FAM185A: variants seen among roughly 807,000 people sequenced by gnomAD.
FAM185A encodes the protein family with sequence similarity 185 member A, also known as protein FAM185A.
FAM185A carries 21 observed loss-of-function variants against 45.7 expected under a neutral mutation model. The observed-to-expected ratio is 0.46, with a 90% CI of 0.33 to 0.66. The LOEUF (loss-of-function observed/expected upper bound fraction) is 0.66, where lower values mean the gene tolerates loss of function less well. FAM185A is among the 30% of genes least tolerant of loss of function. The pLI, the probability that FAM185A is intolerant of heterozygous loss-of-function variation, is 0.03. For missense variants in FAM185A, 305 were observed against 485.4 expected, an observed-to-expected ratio of 0.63 and a Z score of 3.49; for synonymous variants, 117 against 194.0, an observed-to-expected ratio of 0.60 and a Z score of 3.30.
chr7:102,786,301 TA>T (rs1225414220), intron 6 of FAM185A, among the ~76,000 whole-genome samples: 1 of 152,212 alleles, frequency 6.6e-6, no homozygotes. Context: ...GAACTAGAAA[TA>T]CCATTTGACC....
chr7:102,848,688 T>C, the FAM185A span, among the ~76,000 whole-genome samples: 3 of 148,724 alleles, frequency 2.0e-5, no homozygotes, highest in Non-Finnish European at 4.4e-5. Context: ...GCAAACCAGA[T>C]TAAGAGTATA....
downstream of FAM185A, among the ~76,000 whole-genome samples, chr7:102,812,261 G>A (rs886895288): frequency 2.6e-5 from 4 of 152,056 alleles, no homozygotes; most frequent in South Asian, 2.1e-4. Flanking sequence ...TAAAACCTAC[G>A]GATTAAAGCT....
intron 2 of FAM185A, 113 bp from the exon 3 acceptor site, chr7:102,757,741 T>C (rs993276162): frequency 7.7e-7 from 1 of 1,298,646 alleles, no homozygotes. Context: ...TCATTCCTTA[T>C]TGTTCTTTTG....
At chr7:102,788,500 T>A (rs2129441825) in intron 7 of FAM185A, among the ~76,000 whole-genome samples, 1 of 152,162 alleles carries the variant, frequency 6.6e-6, no homozygotes, top group South Asian at 2.1e-4. Flanking sequence ...GTCGTGAAAA[T>A]TAAGAAAGTT....
At chr7:102,786,577 G>T (rs200240613) in intron 6 of FAM185A, among the ~76,000 whole-genome samples, 1 of 152,076 alleles carries the variant, frequency 6.6e-6, no homozygotes, top group Non-Finnish European at 1.5e-5. Context: ...CTATCGCAAG[G>T]ACAAAAAACC....
chr7:102,843,124 G>A, the FAM185A span, among the ~76,000 whole-genome samples: 1 of 152,184 alleles, frequency 6.6e-6, no homozygotes. Context: ...AGGTTATGAA[G>A]ATTAAGGGAG....
chr7:102,843,643 G>T, the FAM185A span, among the ~76,000 whole-genome samples: 2 of 152,072 alleles, frequency 1.3e-5, no homozygotes, highest in South Asian at 2.1e-4. Flanking sequence ...AGACATGGTC[G>T]TGGGCACCTG....
chr7:102,804,615 T>C (rs1796998764), intron 7 of FAM185A, among the ~76,000 whole-genome samples: 2 of 152,202 alleles, frequency 1.3e-5, no homozygotes, highest in African/African-American at 4.8e-5. Flanking sequence ...TTCTAGACAT[T>C]GGCTTAGGCA....
At chr7:102,763,993 C>T (rs1392789939) in intron 4 of FAM185A, among the ~76,000 whole-genome samples, 1 of 152,178 alleles carries the variant, frequency 6.6e-6, no homozygotes, top group African/African-American at 2.4e-5. Flanking sequence ...CACCTCATTT[C>T]CAGTGGTCCA....
chr7:102,821,954 C>T, the FAM185A span: 1 of 1,344,890 alleles, frequency 7.4e-7, no homozygotes, highest in East Asian at 2.3e-5. Flanking sequence ...CTGAAAGCTG[C>T]TATGTATTAT....
chr7:102,788,261 G>A (rs1464722439), intron 7 of FAM185A, among the ~76,000 whole-genome samples: 2 of 152,144 alleles, frequency 1.3e-5, no homozygotes, highest in Non-Finnish European at 2.9e-5. Context: ...GAGCCACTGC[G>A]CCTGGCCAAG....
At chr7:102,787,657 T>G (rs1795890131) in intron 7 of FAM185A, among the ~76,000 whole-genome samples, 188 bp downstream of exon 7, 1 of 152,248 alleles carries the variant, frequency 6.6e-6, no homozygotes, top group African/African-American at 2.4e-5. Flanking sequence ...TAAAAAGACC[T>G]CATTAAATCA....
chr7:102,755,897 C>T (rs559413684), intron 2 of FAM185A: 2 of 701,986 alleles, frequency 2.8e-6, no homozygotes, highest in East Asian at 2.7e-5. Context: ...TTGCCAAGCT[C>T]GAAAAGGCAA....
Position 102,785,754 on chromosome 7 carries a change from C to G in FAM185A, c.932-1581C>G, listed in dbSNP as rs574920272. The stretch of plus-strand genomic sequence containing the variant: ...AGAAGAAGACCTAGGCAATACCATT[C>G]AGGACATAGGCATGGGCAAGGACTT... On this transcript the variant is annotated intron_variant, in intron 6 of 7. Coordinates refer to ENST00000413034, the MANE Select transcript of FAM185A (RefSeq NM_001145268.2). Among the ~76,000 whole-genome samples, 1,275 of 152,184 alleles carry G rather than the reference C, an allele frequency of 8.4e-3. 22 individuals are homozygous for G. The highest frequency in any genetic ancestry group is 0.029 in the African/African-American group (1,218 of 41,478).
rs1329169240 is a variant in FAM185A, at chr7:102,770,570, G to T, written c.794-1839G>T. On this transcript the variant is annotated intron_variant, in intron 4 of 7. Transcript: ENST00000413034. The stretch of plus-strand genomic sequence containing the variant: ...AGGACATTTTGCTCATTTCTCAAGA[G>T]AAGACGTACAAGAAACCAACAAACA... 2.0e-5 allele frequency among the ~76,000 whole-genome samples: 3 copies of T among 151,886 alleles called. No homozygotes were observed. The East Asian group carries it at 5.8e-4, about 29-fold the overall frequency.
intron 6 of FAM185A, among the ~76,000 whole-genome samples, chr7:102,779,232 A>G (rs1004200650): frequency 6.6e-6 from 1 of 152,240 alleles, no homozygotes; most frequent in East Asian, 1.9e-4. Context: ...AGAACACAAC[A>G]AGAGCCCTCC....
chr7:102,834,878 A>ATGTGTG, the FAM185A span, among the ~76,000 whole-genome samples: 184 of 147,160 alleles, frequency 1.3e-3, no homozygotes, highest in Admixed American at 2.7e-3. Context: ...CCATTCCACA[A>ATGTGTG]TGTGTGTGTG....
the FAM185A span, among the ~76,000 whole-genome samples, chr7:102,818,858 G>A: frequency 2.0e-5 from 3 of 152,062 alleles, no homozygotes; most frequent in South Asian, 2.1e-4. Flanking sequence ...ATAGGTAAAC[G>A]TGTGCCATGG....
chr7:102,844,980 C>T, the FAM185A span, among the ~76,000 whole-genome samples: 1 of 152,270 alleles, frequency 6.6e-6, no homozygotes, highest in Non-Finnish European at 1.5e-5. Context: ...GTGTAGAGGT[C>T]CTGAGTGCAG....
Sources: allele counts gnomAD v4.1 joint callset (sites outside exome capture counted in the v4.1 genomes callset), GRCh38; gene constraint gnomAD v4.1.1; transcripts MANE v1.5; gene names NCBI Gene and HGNC (gene_info 2026-07-23, HGNC 2026-07-21).